Variants in FHOD3 observed in about 807,000 individuals in gnomAD.
FHOD3 encodes FH1/FH2 domain-containing protein 3.
Under a neutral mutation model 173.0 loss-of-function variants are expected in FHOD3, and 90 were observed. The ratio of observed to expected loss-of-function variants is 0.52; its 90% CI spans 0.44 to 0.62. The LOEUF (loss-of-function observed/expected upper bound fraction) is 0.62, where lower values mean the gene tolerates loss of function less well. FHOD3 is among the 20% of genes least tolerant of loss of function. The pLI is 0.00. For synonymous variants in FHOD3, 828 were observed against 823.0 expected (o/e 1.01, Z -0.10); for missense variants, 1,945 against 2,034.7 (o/e 0.96, Z 0.85).
chr18:36,777,137 G>A (rs1046516955), intron 28 of FHOD3, among the ~76,000 whole-genome samples: 3 of 151,356 alleles, frequency 2.0e-5, no homozygotes, highest in Admixed American at 2.0e-4. Context: ...ACCACCTTCT[G>A]TGGCTGGTGA....
At chr18:36,350,120 A>G (rs2046053020) in intron 1 of FHOD3, among the ~76,000 whole-genome samples, 2 of 152,196 alleles carry the variant, frequency 1.3e-5, no homozygotes, top group Non-Finnish European at 2.9e-5. Flanking sequence ...GGAACAGTCA[A>G]AAGAACCCCA....
intron 28 of FHOD3, chr18:36,777,703 T>C (rs1275666300): frequency 6.6e-6 from 1 of 152,232 alleles, no homozygotes; most frequent in Non-Finnish European, 1.5e-5. Context: ...GTTGCTCAGT[T>C]GAATGTAATC....
intron 3 of FHOD3, among the ~76,000 whole-genome samples, chr18:36,501,225 C>G (rs1245296506): frequency 6.6e-6 from 1 of 152,218 alleles, no homozygotes; most frequent in Non-Finnish European, 1.5e-5. Flanking sequence ...TCTGCCTTGC[C>G]CATGGCCAGA....
At chr18:36,739,074 A>G (rs1342400219) in intron 20 of FHOD3, among the ~76,000 whole-genome samples, 2 of 152,194 alleles carry the variant, frequency 1.3e-5, no homozygotes, top group African/African-American at 4.8e-5. Flanking sequence ...AGCAATCCTT[A>G]GCTGCCCTCA....
At chr18:36,690,921 T>C (rs1218085622) in intron 16 of FHOD3, among the ~76,000 whole-genome samples, 1 of 152,186 alleles carries the variant, frequency 6.6e-6, no homozygotes, top group Non-Finnish European at 1.5e-5. Context: ...CCTCTACCTC[T>C]GCTTCTACCA....
At chr18:36,768,689 G>A (rs1403373942) in intron 27 of FHOD3, among the ~76,000 whole-genome samples, 1 of 152,188 alleles carries the variant, frequency 6.6e-6, no homozygotes, top group African/African-American at 2.4e-5. Context: ...GTTAAAGAGG[G>A]CAATCCTGTT....
At chr18:36,491,663 T>C (rs2054480354) in intron 3 of FHOD3, among the ~76,000 whole-genome samples, 1 of 149,906 alleles carries the variant, frequency 6.7e-6, no homozygotes, top group Admixed American at 6.6e-5. Context: ...GTTCACTATG[T>C]ATGTGTAGTA....
Position 36,709,659 on chromosome 18 carries a change from T to A in FHOD3, c.2533+268T>A, listed in dbSNP as rs1055085522. ...CCACACCTGGGGAAAAGGGCCCCGA[T>A]AAGGAGGGCTTTTCCTGAGGAATAA... is the stretch of plus-strand genomic sequence containing the variant. On this transcript the variant is annotated intron_variant, in intron 18 of 28. Coordinates refer to ENST00000590592, the MANE Select transcript of FHOD3 (RefSeq NM_001281740.3). 9.3e-6 allele frequency: 4 copies of A among 432,392 alleles called. No homozygotes were observed. The East Asian group carries it at 1.1e-4, about 12-fold the overall frequency. 26.8% of individuals were successfully genotyped at this position (432,392 alleles called of 1,614,324 possible). A position where few individuals can be genotyped will look rare whatever the true frequency, so the allele number is the denominator to read the frequency against.
chr18:36,385,729 A>G (rs1409669148), intron 3 of FHOD3, among the ~76,000 whole-genome samples: 2 of 152,208 alleles, frequency 1.3e-5, no homozygotes, highest in African/African-American at 4.8e-5. Context: ...GATACATTTT[A>G]GAATGTTGCA....
intron 2 of FHOD3, among the ~76,000 whole-genome samples, chr18:36,363,911 A>T (rs1046103461): frequency 6.6e-6 from 1 of 152,128 alleles, no homozygotes; most frequent in African/African-American, 2.4e-5. Context: ...GGCAGTGTGG[A>T]TATATGAGAA....
intron 2 of FHOD3, among the ~76,000 whole-genome samples, chr18:36,366,821 C>T (rs185765637): frequency 3.9e-5 from 6 of 152,272 alleles, no homozygotes; most frequent in Admixed American, 2.0e-4. Context: ...ACTCCTGGGG[C>T]AACTGTTGAG....
intron 14 of FHOD3, among the ~76,000 whole-genome samples, chr18:36,665,679 A>G (rs1330141266): frequency 6.6e-6 from 1 of 152,238 alleles, no homozygotes; most frequent in African/African-American, 2.4e-5. Context: ...ATGGGAGACC[A>G]TTTGGAATCA....
chr18:36,381,422 T>C lies in FHOD3; in HGVS notation c.337+8678T>C, dbSNP rs551408352. 1.7e-4 allele frequency among the ~76,000 whole-genome samples: 26 copies of C among 152,330 alleles called. No homozygotes were observed. In the South Asian group the frequency reaches 4.1e-3, roughly 24 times the overall value. ...TCTGATCACTTGGACACTGGTCTCT[T>C]GTTCTGGTTTTACGTTGGGAAGTCC... is the stretch of plus-strand genomic sequence containing the variant. On this transcript the variant is annotated intron_variant, in intron 3 of 28. Transcript: ENST00000590592.
chr18:36,431,784 G>A (rs983174987), intron 3 of FHOD3, among the ~76,000 whole-genome samples: 4 of 152,208 alleles, frequency 2.6e-5, no homozygotes, highest in African/African-American at 9.6e-5. Flanking sequence ...GAAGGCCCAA[G>A]GAAGTTTCCA....
intron 1 of FHOD3, among the ~76,000 whole-genome samples, chr18:36,354,774 C>G (rs557590018): frequency 1.3e-5 from 2 of 151,642 alleles, no homozygotes; most frequent in East Asian, 2.0e-4. Flanking sequence ...CCACTGCACT[C>G]TAGCCTGGGT....
chr18:36,672,448 T>G (rs1398995162), intron 14 of FHOD3, among the ~76,000 whole-genome samples: 1 of 152,190 alleles, frequency 6.6e-6, no homozygotes, highest in Non-Finnish European at 1.5e-5. Context: ...CTAGCAATTG[T>G]CTGGCTATCA....
At chr18:36,652,344 G>C (rs931361412) in intron 11 of FHOD3, among the ~76,000 whole-genome samples, 1 of 152,248 alleles carries the variant, frequency 6.6e-6, no homozygotes, top group Non-Finnish European at 1.5e-5. Flanking sequence ...CCCTCTATAA[G>C]TCTTACCTCC....
At chr18:36,466,051 C>G (rs1056634761) in intron 3 of FHOD3, among the ~76,000 whole-genome samples, 1 of 152,158 alleles carries the variant, frequency 6.6e-6, no homozygotes, top group Non-Finnish European at 1.5e-5. Flanking sequence ...TCTCACCCAC[C>G]CCCAATGCAT....
At chr18:36,746,132 C>G (rs914764220) in intron 23 of FHOD3, among the ~76,000 whole-genome samples, 1 of 152,020 alleles carries the variant, frequency 6.6e-6, no homozygotes, top group South Asian at 2.1e-4. Flanking sequence ...CTTAGAAAAC[C>G]TCATCTCAGT....
Sources: allele counts gnomAD v4.1 joint callset (sites outside exome capture counted in the v4.1 genomes callset), GRCh38; gene constraint gnomAD v4.1.1; transcripts MANE v1.5; gene names NCBI Gene and HGNC (gene_info 2026-07-23, HGNC 2026-07-21).